TRPM4: variants seen among roughly 807,000 people sequenced by gnomAD.
The protein encoded by TRPM4 is transient receptor potential cation channel subfamily M member 4.
TRPM4 carries 124 observed loss-of-function variants against 135.6 expected under a neutral mutation model. The observed-to-expected ratio is 0.91, with a 90% CI of 0.79 to 1.06. TRPM4 has a LOEUF of 1.06. Ranked by LOEUF, TRPM4 falls within the 50% of genes least tolerant of loss-of-function variation. The pLI is 0.00. For synonymous variants in TRPM4, 745 were observed against 705.6 expected, an observed-to-expected ratio of 1.06 and a Z score of -0.88; for missense variants, 1,658 against 1,671.4, an observed-to-expected ratio of 0.99 and a Z score of 0.14.
chr19:49,186,230 G>T (rs1279181744), intron 12 of TRPM4, among the ~76,000 whole-genome samples: 1 of 152,102 alleles, frequency 6.6e-6, no homozygotes, highest in Non-Finnish European at 1.5e-5. Flanking sequence ...GGGATTAGAG[G>T]CATGAGCGAC....
At position 49,209,743 on chromosome 19, in the gene TRPM4, CTTT is replaced by C. The variant is rs780991215; in HGVS notation, c.3132-445_3132-443del. On this transcript the variant is annotated intron_variant, in intron 20 of 24. Coordinates refer to ENST00000252826, the MANE Select transcript of TRPM4 (RefSeq NM_017636.4). The stretch of plus-strand genomic sequence containing the variant: ...CTGACCCTTGGCCCTTCTAAACTGA[CTTT>C]TTTTTTTTTTTTTTTTTTTTGAGAT... Among the ~76,000 whole-genome samples the C allele has an allele frequency of 2.6e-3, 273 of 105,814 alleles. 2 individuals are homozygous for C. The highest frequency in any genetic ancestry group is 9.7e-3 in the African/African-American group (255 of 26,196). The allele number at this position is 105,814 out of a possible 152,430, so 69.4% of individuals were successfully genotyped here.
At chr19:49,158,579 TTC>T (rs2041564912) in intron 2 of TRPM4, 2 of 357,854 alleles carry the variant, frequency 5.6e-6, no homozygotes, top group Admixed American at 4.8e-5. Flanking sequence ...TTTTGGGTAT[TTC>T]TGTTTCATTC....
chr19:49,205,512 G>A (rs1315200155), intron 20 of TRPM4, among the ~76,000 whole-genome samples: 2 of 151,086 alleles, frequency 1.3e-5, no homozygotes, highest in African/African-American at 4.9e-5. Flanking sequence ...AGGCACTATG[G>A]GTTATGACTT....
chr19:49,185,557 T>C (rs1968168907), intron 12 of TRPM4, among the ~76,000 whole-genome samples: 1 of 151,830 alleles, frequency 6.6e-6, no homozygotes, highest in Non-Finnish European at 1.5e-5. Flanking sequence ...AATTTCTTTT[T>C]TTTCCAGTAT....
intron 1 of TRPM4, 26 bp downstream of exon 1, chr19:49,157,916 G>C: frequency 6.5e-7 from 1 of 1,535,160 alleles, no homozygotes; most frequent in Admixed American, 2.0e-5. Flanking sequence ...GGGTCTGCGG[G>C]AGCGCGGAGC....
At chr19:49,200,192 C>T (rs1968859172) in intron 17 of TRPM4, 108 bp from the exon 18 acceptor site, 9 of 1,563,232 alleles carry the variant, frequency 5.8e-6, no homozygotes, top group Non-Finnish European at 7.9e-6. Context: ...GGTCCTGGTC[C>T]TGCCCGGTGG....
intron 9 of TRPM4, 134 bp from the exon 10 acceptor site, chr19:49,181,215 C>A (rs1967907418): frequency 1.4e-6 from 1 of 711,584 alleles, no homozygotes; most frequent in Non-Finnish European, 2.5e-6. Flanking sequence ...CTTTAAGACC[C>A]CCACACTCTG....
At chr19:49,176,340 G>C (rs186896266) in intron 9 of TRPM4, among the ~76,000 whole-genome samples, 1 of 152,088 alleles carries the variant, frequency 6.6e-6, no homozygotes, top group Non-Finnish European at 1.5e-5. Context: ...TGATTCTCTC[G>C]CATCAGCCTC....
intron 3 of TRPM4, among the ~76,000 whole-genome samples, 158 bp downstream of exon 3, chr19:49,166,373 G>A (rs1884279223): frequency 6.6e-6 from 1 of 152,088 alleles, no homozygotes; most frequent in Non-Finnish European, 1.5e-5. Flanking sequence ...TCTCTCTGAG[G>A]GGGTCCCGTT....
At position 49,195,714 on chromosome 19, in the gene TRPM4, C is replaced by T. The variant is rs1273748431; in HGVS notation, c.2211-726C>T. Among the ~76,000 whole-genome samples the T allele has an allele frequency of 2.1e-5, 3 of 144,884 alleles. No homozygotes were observed. The Admixed American group carries it at 2.1e-4, about 10-fold the overall frequency. On this transcript the variant is annotated intron_variant, in intron 16 of 24. Transcript: ENST00000252826. ...TTTTTTTTTTTTTTAGACAGGGTCTCGCTCTATTGCCCAAGCTGGAGTGCA... is the reference window on the plus strand; with the variant it reads ...TTTTTTTTTTTTTTAGACAGGGTCTTGCTCTATTGCCCAAGCTGGAGTGCA...
Position 49,188,767 on chromosome 19 carries a change from G to A in TRPM4, c.1870G>A (p.Val624Ile), listed in dbSNP as rs1426647583. Residue 624 changes from valine (V) to isoleucine (I), a missense_variant, in exon 13 of 25, where the codon GTT becomes ATT. Transcript: ENST00000252826. ...DLAFKFEGMG[V>I]DLFGECYRSS... ...GGCGTTCAAGTTTGAGGGGATGGGCGTTGGTGCGTGGGGCACGGTGCCTGG... is the reference window on the plus strand; with the variant it reads ...GGCGTTCAAGTTTGAGGGGATGGGCATTGGTGCGTGGGGCACGGTGCCTGG... 21 of 1,613,978 alleles carry A rather than the reference G, an allele frequency of 1.3e-5. No homozygotes were observed. In the East Asian group the frequency reaches 3.3e-4, roughly 26 times the overall value.
In TRPM4 at chr19:49,168,121, G is replaced by A. The variant is rs367873987; in HGVS notation, c.448+24G>A. On this transcript the variant is annotated intron_variant, in intron 4 of 24. Coordinates refer to ENST00000252826, the MANE Select transcript of TRPM4 (RefSeq NM_017636.4). ...AGGTGACCGAGGGTGGGTGGGGGCT[G>A]TCTCCTGGGCCTCGGCCTGCCTGCC... The A allele has an allele frequency of 1.6e-5, 25 of 1,595,022 alleles. No homozygotes were observed. In the East Asian group the frequency reaches 3.8e-4, roughly 24 times the overall value.
intron 17 of TRPM4, among the ~76,000 whole-genome samples, chr19:49,197,469 CTCCCTCCTTCCTTCCT>C (rs1241138663): frequency 1.8e-5 from 1 of 54,300 alleles, no homozygotes; most frequent in African/African-American, 7.6e-5. Context: ...CTCTGCCTCC[CTCCCTCCTTCCTTCCT>C]TCCTTCCTTC....
At chr19:49,187,225 A>T (rs914850230) in intron 12 of TRPM4, among the ~76,000 whole-genome samples, 1 of 151,152 alleles carries the variant, frequency 6.6e-6, no homozygotes, top group Admixed American at 6.6e-5. Flanking sequence ...TTTCGATTAG[A>T]TTCCAGAATT....
intron 9 of TRPM4, among the ~76,000 whole-genome samples, chr19:49,179,809 T>G (rs1416451333): frequency 1.3e-5 from 2 of 152,222 alleles, no homozygotes; most frequent in Non-Finnish European, 2.9e-5. Flanking sequence ...CTAGACATGT[T>G]ACTGCCTTTC....
chr19:49,191,519 C>T (rs1222568117), intron 16 of TRPM4, among the ~76,000 whole-genome samples: 1 of 150,942 alleles, frequency 6.6e-6, no homozygotes, highest in African/African-American at 2.4e-5. Flanking sequence ...GATTACATTT[C>T]TTTCTTTCTT....
intron 20 of TRPM4, among the ~76,000 whole-genome samples, chr19:49,205,189 C>A (rs1399413508): frequency 1.3e-5 from 2 of 151,992 alleles, no homozygotes; most frequent in East Asian, 3.8e-4. Flanking sequence ...CAGAAATTGT[C>A]TCACAATTCT....
At position 49,171,597 on chromosome 19, in the gene TRPM4, A is replaced by G. The variant is rs172147855; in HGVS notation, c.878A>G (p.Gln293Arg). ...KMLTRIENAT[Q>R]AQLPCLLVAG... ...CTGTAGCGAATAGAGAACGCCACCC[A>G]GGCTCAGCTCCCATGTCTCCTCGTG... Residue 293 changes from glutamine to arginine, a missense_variant, in exon 8 of 25, where the codon CAG becomes CGG. By Grantham distance (43) the Gln-to-Arg change is conservative. Coordinates refer to ENST00000252826, the MANE Select transcript of TRPM4 (RefSeq NM_017636.4). The surrounding 1 kb of genome is among the most constrained non-coding windows in gnomAD (Gnocchi z 4.7). The G allele has an allele frequency of 7.2e-5, 117 of 1,614,094 alleles. No individual in the cohort carries two copies. The East Asian group carries it at 9.6e-4, about 13-fold the overall frequency.
At chr19:49,193,880 CCTT>C (rs1441899977) in intron 16 of TRPM4, among the ~76,000 whole-genome samples, 4 of 151,798 alleles carry the variant, frequency 2.6e-5, no homozygotes, top group East Asian at 1.9e-4. Flanking sequence ...TTGTCCTCCT[CCTT>C]GTCATCCTCC....
Sources: allele counts gnomAD v4.1 joint callset (sites outside exome capture counted in the v4.1 genomes callset), GRCh38; gene constraint gnomAD v4.1.1; non-coding constraint Gnocchi (gnomAD v3.1); transcripts MANE v1.5; gene names NCBI Gene and HGNC (gene_info 2026-07-23, HGNC 2026-07-21).